The following USP54 variants were observed in gnomAD, a reference collection of about 807,000 sequenced individuals.
The protein encoded by USP54 is ubiquitin carboxyl-terminal hydrolase 54.
A neutral mutation model predicts 170.5 loss-of-function variants in USP54; 87 were observed. The observed-to-expected ratio is 0.51, with a 90% CI of 0.43 to 0.61. USP54 has a LOEUF of 0.61. Among genes scored for constraint, USP54 ranks in the 20% least tolerant of loss-of-function variants. The pLI, the probability that USP54 is intolerant of heterozygous loss-of-function variation, is 0.00. For synonymous variants in USP54, 655 were observed against 742.8 expected (o/e 0.88, Z 1.92); for missense variants, 1,786 against 2,047.8 (o/e 0.87, Z 2.47).
At chr10:73,570,919 C>T (rs1182856285) in intron 4 of USP54, among the ~76,000 whole-genome samples, 3 of 152,010 alleles carry the variant, frequency 2.0e-5, no homozygotes, top group Non-Finnish European at 2.9e-5. Flanking sequence ...AGGCAGATCA[C>T]CTGAAGTCAG....
At chr10:73,530,122 C>A in intron 14 of USP54, 21 bp downstream of exon 14, 2 of 1,573,692 alleles carry the variant, frequency 1.3e-6, no homozygotes, top group Non-Finnish European at 1.7e-6. Context: ...AAGCCCAATT[C>A]TTCCCTAATT....
chr10:73,592,091 G>A (rs1228601523), upstream of USP54, among the ~76,000 whole-genome samples: 4 of 151,990 alleles, frequency 2.6e-5, no homozygotes, highest in Admixed American at 2.6e-4. Flanking sequence ...AGAACAAACA[G>A]CAGGCAGAGT....
Position 73,516,643 on chromosome 10 carries a change from A to C in USP54, c.3783T>G (p.Asp1261Glu). Residue 1261 changes from aspartate (D) to glutamate (E), a missense_variant, in exon 20 of 24, where the codon GAT becomes GAG. By Grantham distance (45) the Asp-to-Glu change is conservative. Around this residue, in one of 3 missense-constraint regions of USP54, gnomAD observed 1,418 missense variants for 1,569.0 expected, o/e 0.90. Transcript: ENST00000687698. ...STDLGTSLPL[D>E]SWVNITRFCD... ...AGAACCTTGTGATATTCACCCAGGA[A>C]TCCAAAGGCAAGGAAGTCCCCAAGT... is the stretch of plus-strand genomic sequence containing the variant. The C allele has an allele frequency of 6.2e-7, 1 of 1,614,204 alleles. No individual in the cohort carries two copies. The highest frequency in any genetic ancestry group is 8.5e-7 in the Non-Finnish European group (1 of 1,180,038).
At chr10:73,587,609 G>A (rs2077672882) in intron 1 of USP54, among the ~76,000 whole-genome samples, 1 of 152,176 alleles carries the variant, frequency 6.6e-6, no homozygotes, top group African/African-American at 2.4e-5. Flanking sequence ...TGGGGACACA[G>A]AGTTAGTGGA....
intron 11 of USP54, 82 bp downstream of exon 11, chr10:73,536,186 TA>T: frequency 6.5e-7 from 1 of 1,544,020 alleles, no homozygotes; most frequent in South Asian, 1.2e-5. Context: ...GGTTACGAGC[TA>T]AGCACATAAT....
intron 22 of USP54, among the ~76,000 whole-genome samples, chr10:73,503,534 G>A (rs1017727408): frequency 2.0e-5 from 3 of 152,148 alleles, no homozygotes; most frequent in African/African-American, 7.2e-5. Flanking sequence ...GAATGATACA[G>A]AAGTCAGAAG....
At chr10:73,617,088 G>A (rs1158315683) in intron 1 of USP54, among the ~76,000 whole-genome samples, 2 of 149,968 alleles carry the variant, frequency 1.3e-5, no homozygotes, top group Admixed American at 6.6e-5. Context: ...ACCTAAGGTC[G>A]GGAGTTCGAG....
intron 4 of USP54, among the ~76,000 whole-genome samples, chr10:73,558,438 T>A (rs1221514695): frequency 6.6e-6 from 1 of 152,146 alleles, no homozygotes; most frequent in African/African-American, 2.4e-5. Context: ...TACAATTGCA[T>A]ACAGGCATGG....
Position 73,534,525 on chromosome 10 carries a change from TCA to T in USP54, c.1315+73_1315+74del, listed in dbSNP as rs1371746602. 15 of 1,535,444 alleles carry T rather than the reference TCA, an allele frequency of 9.8e-6. No homozygotes were observed. The African/African-American group carries it at 1.7e-4, about 17-fold the overall frequency. On this transcript the variant is annotated intron_variant, in intron 12 of 23. Transcript: ENST00000687698. ...CAGGTGTGAGCCACTGCGCCTGGCC[TCA>T]CAGTTTCTTTTTCTTAGGAGATCTA...
chr10:73,541,225 C>G (rs2066534196), intron 9 of USP54, 150 bp downstream of exon 9: 1 of 1,164,218 alleles, frequency 8.6e-7, no homozygotes, highest in Non-Finnish European at 1.2e-6. Flanking sequence ...TACCTGCAAG[C>G]ACGGGTATCT....
At chr10:73,545,808 C>T in intron 4 of USP54, 136 bp from the exon 5 acceptor site, 1 of 938,334 alleles carries the variant, frequency 1.1e-6, no homozygotes, top group Non-Finnish European at 1.6e-6. Flanking sequence ...GACATGCTTG[C>T]AGTTAGTAAT....
intron 20 of USP54, among the ~76,000 whole-genome samples, chr10:73,511,386 C>T (rs144518726): frequency 3.3e-5 from 5 of 151,222 alleles, no homozygotes; most frequent in African/African-American, 7.3e-5. Context: ...GGTGGCCGGG[C>T]GTGGTGGCTC....
chr10:73,571,111 C>G, intron 4 of USP54, among the ~76,000 whole-genome samples: 1 of 123,514 alleles, frequency 8.1e-6, no homozygotes, highest in East Asian at 2.5e-4. Flanking sequence ...GCACTCCAGA[C>G]TGGGTGACAG....
intron 1 of USP54, among the ~76,000 whole-genome samples, chr10:73,583,586 A>C (rs1806284348): frequency 6.6e-6 from 1 of 152,020 alleles, no homozygotes; most frequent in Non-Finnish European, 1.5e-5. Flanking sequence ...GCACCTGGCC[A>C]AAAAAAATTT....
intron 1 of USP54, among the ~76,000 whole-genome samples, chr10:73,620,416 G>A (rs918569364): frequency 1.3e-5 from 2 of 149,078 alleles, no homozygotes; most frequent in African/African-American, 5.1e-5. Context: ...ATTCTAGTAA[G>A]TCTAGAACTG....
chr10:73,554,151 T>C (rs1288419945), intron 4 of USP54, among the ~76,000 whole-genome samples: 1 of 152,192 alleles, frequency 6.6e-6, no homozygotes, highest in Non-Finnish European at 1.5e-5. Flanking sequence ...AAAGAAGTCA[T>C]GAGTAGAGAA....
chr10:73,499,237 TCTC>T, intron 23 of USP54, 49 bp from the exon 24 acceptor site: 2 of 1,534,066 alleles, frequency 1.3e-6, no homozygotes, highest in Non-Finnish European at 1.7e-6. Flanking sequence ...AGAAAACCAT[TCTC>T]CTTCCCAGAG....
At chr10:73,501,517 T>C (rs953092431) in intron 22 of USP54, among the ~76,000 whole-genome samples, 1 of 152,204 alleles carries the variant, frequency 6.6e-6, no homozygotes, top group Non-Finnish European at 1.5e-5. Flanking sequence ...TATTCAAACA[T>C]TGGCAATGAC....
chr10:73,579,672 G>A (rs753336425), intron 1 of USP54, among the ~76,000 whole-genome samples: 9 of 151,608 alleles, frequency 5.9e-5, no homozygotes, highest in Admixed American at 3.9e-4. Context: ...CAGGAGAATC[G>A]CTTGAACCCG....
Sources: allele counts gnomAD v4.1 joint callset (sites outside exome capture counted in the v4.1 genomes callset), GRCh38; gene constraint gnomAD v4.1.1; regional missense constraint gnomAD v4.1.1; transcripts MANE v1.5; gene names NCBI Gene and HGNC (gene_info 2026-07-23, HGNC 2026-07-21).